The following PRXL2A variants were observed in gnomAD, a reference collection of about 807,000 sequenced individuals.
PRXL2A encodes the protein peroxiredoxin-like 2A.
Under a neutral mutation model 25.6 loss-of-function variants are expected in PRXL2A, and 26 were observed. The observed-to-expected ratio is 1.02, with a 90% CI of 0.74 to 1.41. The LOEUF (loss-of-function observed/expected upper bound fraction) is 1.41, where lower values mean the gene tolerates loss of function less well. PRXL2A is among the 40% of genes most tolerant of loss of function. The probability of loss-of-function intolerance (pLI) is 0.00; values close to 1 mark genes in which losing one functional copy is unlikely to be tolerated. For missense variants in PRXL2A, 246 were observed against 273.9 expected, an observed-to-expected ratio of 0.90 and a Z score of 0.72; for synonymous variants, 98 against 102.9, an observed-to-expected ratio of 0.95 and a Z score of 0.29.
Position 80,420,485 on chromosome 10 carries a change from C to G in PRXL2A, c.18C>G (p.Asp6Glu). 6.3e-7 allele frequency: 1 copy of G among 1,596,668 alleles called. No homozygotes were observed. Among genetic ancestry groups the G allele is most frequent in the Non-Finnish European group, 8.6e-7 (1 of 1,169,486 alleles). ...CTCCAGAAATGTCTTTCCTCCAGGA[C>G]CCAAGTTTCTTCACCATGGGGATGT... MSFLQ[D>E]PSFFTMGMWS... The change falls in exon 2 of 6, where the codon GAC becomes GAG. Residue 6 changes from aspartate to glutamate, a missense_variant. Physicochemically the swap from Asp to Glu is conservative, Grantham distance 45. Transcript: ENST00000606162.
chr10:80,419,901 G>A, intron 1 of PRXL2A: 1 of 874,488 alleles, frequency 1.1e-6, no homozygotes. Context: ...GCACTGGCTG[G>A]GGGCTTGATG....
At chr10:80,423,918 C>G (rs1393376817) in intron 3 of PRXL2A, among the ~76,000 whole-genome samples, 2 of 152,158 alleles carry the variant, frequency 1.3e-5, no homozygotes, top group Admixed American at 1.3e-4. Flanking sequence ...TTTGCCTTTT[C>G]CAGCTGTTAG....
At chr10:80,418,473 G>A (rs1254309886) in intron 1 of PRXL2A, among the ~76,000 whole-genome samples, 2 of 149,898 alleles carry the variant, frequency 1.3e-5, no homozygotes, top group African/African-American at 2.5e-5. Context: ...ACCTCATGCA[G>A]TGCACCCCTC....
intron 4 of PRXL2A, 23 bp downstream of exon 4, chr10:80,426,029 A>C: frequency 1.2e-6 from 2 of 1,613,972 alleles, no homozygotes; most frequent in Non-Finnish European, 8.5e-7. Context: ...GGAGGCTTTT[A>C]GACACAGACT....
At chr10:80,413,722 G>A (rs910282272) in intron 1 of PRXL2A, 1 of 387,176 alleles carries the variant, frequency 2.6e-6, no homozygotes. Context: ...AGGAGCCCCA[G>A]GGTTTCTGGG....
intron 3 of PRXL2A, among the ~76,000 whole-genome samples, chr10:80,423,568 G>T (rs568766217): frequency 6.6e-6 from 1 of 152,204 alleles, no homozygotes; most frequent in South Asian, 2.1e-4. Flanking sequence ...GGCTGGTGAA[G>T]AATCCACTTG....
chr10:80,420,713 T>C, intron 2 of PRXL2A, 68 bp downstream of exon 2: 1 of 1,176,254 alleles, frequency 8.5e-7, no homozygotes, highest in Non-Finnish European at 1.1e-6. Context: ...CTGCTTTCTT[T>C]CTAAACTCTC....
chr10:80,418,564 C>G (rs3802639), intron 1 of PRXL2A, among the ~76,000 whole-genome samples: 10,449 of 151,920 alleles, frequency 0.069, 883 homozygotes, highest in African/African-American at 0.19. Flanking sequence ...CCGGCCAAGT[C>G]CTGCAAGGGA....
chr10:80,420,558 C>T lies in PRXL2A; in HGVS notation c.91C>T (p.Leu31Phe). ...GGGGGCTGCTGCCTTGGCATTGCTG[C>T]TTGCCAACACAGACGTGTTTCTGTC... is the stretch of plus-strand genomic sequence containing the variant. ...ALGAAALALL[L>F]ANTDVFLSKP... Residue 31 changes from leucine (L) to phenylalanine (F), a missense_variant, in exon 2 of 6, where the codon CTT (leucine) becomes TTT (phenylalanine). Coordinates refer to ENST00000606162, the MANE Select transcript of PRXL2A (RefSeq NM_032333.5). 7 of 1,614,048 alleles carry T rather than the reference C, an allele frequency of 4.3e-6. No homozygotes were observed. Among genetic ancestry groups the T allele is most frequent in the Non-Finnish European group, 5.9e-6 (7 of 1,179,962 alleles).
rs552247402 is a variant in PRXL2A, at chr10:80,425,734, A to G, written c.271-132A>G. 25 of 1,135,412 alleles carry G rather than the reference A, an allele frequency of 2.2e-5. No individual in the cohort carries two copies. In the East Asian group the frequency reaches 5.2e-4, roughly 24 times the overall value. The allele number at this position is 1,135,412 out of a possible 1,614,324, so 70.3% of individuals were successfully genotyped here. ...CTCCCAAGCTGTGGTTAGGACAGCC[A>G]TAACAGGAGCCTTGCCTCTGCTTTC... On this transcript the variant is annotated intron_variant, in intron 3 of 5. Coordinates refer to ENST00000606162, the MANE Select transcript of PRXL2A (RefSeq NM_032333.5).
chr10:80,411,034 C>T (rs1474528811), intron 1 of PRXL2A, among the ~76,000 whole-genome samples: 2 of 152,222 alleles, frequency 1.3e-5, no homozygotes, highest in South Asian at 2.1e-4. Context: ...CAGATACACA[C>T]CCCAAGGAGC....
chr10:80,417,426 C>T (rs1205069386), intron 1 of PRXL2A, among the ~76,000 whole-genome samples: 1 of 152,040 alleles, frequency 6.6e-6, no homozygotes, highest in African/African-American at 2.4e-5. Context: ...GGTAAGGAGC[C>T]CTTAGTGTCT....
At chr10:80,417,251 A>T (rs1177184637) in intron 1 of PRXL2A, among the ~76,000 whole-genome samples, 1 of 152,268 alleles carries the variant, frequency 6.6e-6, no homozygotes, top group Non-Finnish European at 1.5e-5. Flanking sequence ...AATTAGATAT[A>T]GGGAGTATGT....
chr10:80,410,038 C>T (rs1844424843), intron 1 of PRXL2A, among the ~76,000 whole-genome samples: 1 of 152,248 alleles, frequency 6.6e-6, no homozygotes, highest in African/African-American at 2.4e-5. Context: ...AAAGACATTT[C>T]TGATGATTTT....
chr10:80,419,598 G>A (rs1192749999), intron 1 of PRXL2A, among the ~76,000 whole-genome samples: 1 of 152,032 alleles, frequency 6.6e-6, no homozygotes, highest in Non-Finnish European at 1.5e-5. Context: ...ATGAGCCACC[G>A]CGCCCTGCCA....
At position 80,427,560 on chromosome 10, in the gene PRXL2A, C is replaced by T. The variant is rs1845092738; in HGVS notation, c.576+64C>T. The T allele has an allele frequency of 6.5e-6, 10 of 1,539,956 alleles. No individual in the cohort carries two copies. In the Admixed American group the frequency reaches 1.8e-4, roughly 27 times the overall value. ...GTGTCTGTGAGTGTGAGACTCCAACCAGAAGCTGGAGTGGGGGTTGACTTT... is the reference window on the plus strand; with the variant it reads ...GTGTCTGTGAGTGTGAGACTCCAACTAGAAGCTGGAGTGGGGGTTGACTTT... On this transcript the variant is annotated intron_variant, in intron 5 of 5. Coordinates refer to ENST00000606162, the MANE Select transcript of PRXL2A (RefSeq NM_032333.5).
chr10:80,430,791 T>TTGCTC (rs1181742297), intron 5 of PRXL2A, among the ~76,000 whole-genome samples: 3 of 152,348 alleles, frequency 2.0e-5, no homozygotes, highest in African/African-American at 7.2e-5. Flanking sequence ...TTGTTTTGCT[T>TTGCTC]TGCTCTAGAA....
At chr10:80,412,724 G>T (rs1166839309) in intron 1 of PRXL2A, among the ~76,000 whole-genome samples, 1 of 152,136 alleles carries the variant, frequency 6.6e-6, no homozygotes, top group Non-Finnish European at 1.5e-5. Flanking sequence ...GCATTTACGT[G>T]GTTGGCCTGG....
intron 1 of PRXL2A, among the ~76,000 whole-genome samples, chr10:80,417,382 C>G (rs1289464940): frequency 6.6e-6 from 1 of 152,164 alleles, no homozygotes; most frequent in East Asian, 1.9e-4. Context: ...TGAGGATCTG[C>G]TTACACAGGT....
Sources: allele counts gnomAD v4.1 joint callset (sites outside exome capture counted in the v4.1 genomes callset), GRCh38; gene constraint gnomAD v4.1.1; transcripts MANE v1.5; gene names NCBI Gene and HGNC (gene_info 2026-07-23, HGNC 2026-07-21).